Variants in THSD4 observed in about 807,000 individuals in gnomAD.
THSD4 encodes thrombospondin type-1 domain-containing protein 4.
THSD4 carries 69 observed loss-of-function variants against 119.0 expected under a neutral mutation model. That is an observed-to-expected ratio of 0.58 (90% CI 0.48 to 0.71). The LOEUF is 0.71. Ranked by LOEUF, THSD4 falls within the 30% of genes least tolerant of loss-of-function variation. THSD4 has a pLI of 0.00. For synonymous variants in THSD4, 524 were observed against 540.4 expected (o/e 0.97, Z 0.42); for missense variants, 1,393 against 1,391.1 (o/e 1.00, Z -0.02).
At chr15:71,382,850 A>G (rs2140455339) in intron 6 of THSD4, among the ~76,000 whole-genome samples, 1 of 152,340 alleles carries the variant, frequency 6.6e-6, no homozygotes, top group African/African-American at 2.4e-5. Flanking sequence ...TAAAAAATGC[A>G]GAAGTATATA....
intron 6 of THSD4, among the ~76,000 whole-genome samples, chr15:71,296,468 T>A (rs954268791): frequency 6.6e-5 from 10 of 152,170 alleles, no homozygotes; most frequent in African/African-American, 2.2e-4. Context: ...TAAGGCCTGT[T>A]GTCTCTATTA....
chr15:71,502,215 G>GC (rs889622787), intron 7 of THSD4, among the ~76,000 whole-genome samples: 8 of 152,204 alleles, frequency 5.3e-5, no homozygotes, highest in African/African-American at 1.9e-4. Flanking sequence ...ATCAGGGCAA[G>GC]CCCGTGCATC....
intron 6 of THSD4, among the ~76,000 whole-genome samples, chr15:71,336,132 C>T (rs1247546537): frequency 1.3e-5 from 2 of 152,234 alleles, no homozygotes; most frequent in Non-Finnish European, 2.9e-5. Context: ...GGCATGTTCA[C>T]ACACTGTCTC....
chr15:71,435,857 A>G (rs1397695194), intron 7 of THSD4, among the ~76,000 whole-genome samples: 1 of 152,212 alleles, frequency 6.6e-6, no homozygotes, highest in Non-Finnish European at 1.5e-5. Context: ...GATGGAAGCA[A>G]CAGAAGCCCT....
At chr15:71,772,116 G>T (rs1157775845) in intron 17 of THSD4, among the ~76,000 whole-genome samples, 1 of 152,194 alleles carries the variant, frequency 6.6e-6, no homozygotes, top group Non-Finnish European at 1.5e-5. Context: ...TTCACAGTCT[G>T]CTAAGAACAT....
intron 6 of THSD4, among the ~76,000 whole-genome samples, chr15:71,396,546 G>A (rs1016885117): frequency 1.3e-5 from 2 of 152,138 alleles, no homozygotes; most frequent in Non-Finnish European, 2.9e-5. Flanking sequence ...AGAAACCCCA[G>A]CCACATCATC....
chr15:71,679,556 G>A (rs77605721), intron 8 of THSD4, among the ~76,000 whole-genome samples: 1,549 of 152,326 alleles, frequency 0.01, 11 homozygotes, highest in Middle Eastern at 0.02. Context: ...TAGGGAAAGA[G>A]CATTTCAATC....
At chr15:71,231,378 C>T (rs1596281281) in intron 4 of THSD4, among the ~76,000 whole-genome samples, 1 of 152,142 alleles carries the variant, frequency 6.6e-6, no homozygotes, top group Non-Finnish European at 1.5e-5. Flanking sequence ...GGGTGGGTCA[C>T]TGAGTATAGG....
intron 1 of THSD4, among the ~76,000 whole-genome samples, chr15:71,100,504 G>A (rs1754396053): frequency 6.6e-6 from 1 of 152,120 alleles, no homozygotes; most frequent in Admixed American, 6.6e-5. Context: ...CAACACCTTG[G>A]TTGTAGGTAC....
chr15:71,299,427 G>A (rs1264469188), intron 6 of THSD4, among the ~76,000 whole-genome samples: 1 of 152,202 alleles, frequency 6.6e-6, no homozygotes, highest in African/African-American at 2.4e-5. Context: ...GACAGCATGC[G>A]TGAATGTAGA....
chr15:71,650,580 C>T (rs1354319869), intron 7 of THSD4, among the ~76,000 whole-genome samples: 1 of 152,166 alleles, frequency 6.6e-6, no homozygotes, highest in East Asian at 1.9e-4. Context: ...TCCCAAGGCA[C>T]AAGGCTACTT....
intron 6 of THSD4, among the ~76,000 whole-genome samples, chr15:71,387,844 C>T (rs1433236228): frequency 1.3e-5 from 2 of 152,140 alleles, no homozygotes; most frequent in Non-Finnish European, 2.9e-5. Context: ...AGCCCAGAAC[C>T]CCTCTTCCAA....
At chr15:71,618,983 CT>C (rs11439640) in intron 7 of THSD4, among the ~76,000 whole-genome samples, 5 of 144,826 alleles carry the variant, frequency 3.5e-5, no homozygotes, top group South Asian at 2.2e-4. Flanking sequence ...TTTTTTTTTT[CT>C]TTTTTTTTGA....
intron 7 of THSD4, among the ~76,000 whole-genome samples, chr15:71,615,239 C>T (rs192568255): frequency 3.7e-4 from 56 of 152,278 alleles, no homozygotes; most frequent in Non-Finnish European, 6.9e-4. Context: ...TTCTGTGATG[C>T]ATGGAATCTC....
intron 6 of THSD4, 21 bp from the exon 7 acceptor site, chr15:71,411,666 T>TATTTC (rs1331781890): frequency 6.2e-7 from 1 of 1,602,500 alleles, no homozygotes; most frequent in Admixed American, 1.7e-5. Flanking sequence ...TATTTTATTT[T>TATTTC]ATTTCATTTT....
chr15:71,692,565 G>A (rs1271671938), intron 8 of THSD4, among the ~76,000 whole-genome samples: 1 of 152,218 alleles, frequency 6.6e-6, no homozygotes, highest in African/African-American at 2.4e-5. Context: ...TGGCCAGGGT[G>A]ACCTCAGCTT....
chr15:71,379,450 C>CGTTTTTTTTTTTTTTTTTTTTT (rs1566962165), intron 6 of THSD4, among the ~76,000 whole-genome samples: 1 of 77,562 alleles, frequency 1.3e-5, no homozygotes, highest in Non-Finnish European at 2.4e-5. Flanking sequence ...CAAATGGCTT[C>CGTTTTTTTTTTTTTTTTTTTTT]TTTTTTTTTT....
intron 16 of THSD4, chr15:71,766,897 G>C (rs1036079332): frequency 6.6e-6 from 1 of 152,146 alleles, no homozygotes; most frequent in Admixed American, 6.5e-5. Context: ...AAAACTACGT[G>C]TTGTATGAGT....
At chr15:71,681,609 AG>A (rs1192883435) in intron 8 of THSD4, among the ~76,000 whole-genome samples, 3 of 146,460 alleles carry the variant, frequency 2.0e-5, no homozygotes, top group Non-Finnish European at 3.0e-5. Context: ...GGGGGGGTGG[AG>A]GTTGCAGTGA....
Sources: allele counts gnomAD v4.1 joint callset (sites outside exome capture counted in the v4.1 genomes callset), GRCh38; gene constraint gnomAD v4.1.1; transcripts MANE v1.5; gene names NCBI Gene and HGNC (gene_info 2026-07-23, HGNC 2026-07-21).